The following CRIM1 variants were observed in gnomAD, a reference collection of about 807,000 sequenced individuals.
The protein encoded by CRIM1 is cysteine-rich motor neuron 1 protein.
Under a neutral mutation model 116.4 loss-of-function variants are expected in CRIM1, and 32 were observed. The ratio of observed to expected loss-of-function variants is 0.27; its 90% CI spans 0.21 to 0.37. The LOEUF (loss-of-function observed/expected upper bound fraction) is 0.37, where lower values mean the gene tolerates loss of function less well. Ranked by LOEUF, CRIM1 falls within the 10% of genes least tolerant of loss-of-function variation. The probability of loss-of-function intolerance (pLI) is 1.00; values close to 1 mark genes in which losing one functional copy is unlikely to be tolerated. For missense variants in CRIM1, 1,331 were observed against 1,354.8 expected, an observed-to-expected ratio of 0.98 and a Z score of 0.28; for synonymous variants, 590 against 509.2, an observed-to-expected ratio of 1.16 and a Z score of -2.13.
chr2:36,452,961 G>A (rs1047098475), intron 4 of CRIM1, among the ~76,000 whole-genome samples: 4 of 152,194 alleles, frequency 2.6e-5, no homozygotes, highest in African/African-American at 9.6e-5. Context: ...CTTTTGCTAT[G>A]TCATCATCAT....
intron 1 of CRIM1, among the ~76,000 whole-genome samples, chr2:36,387,719 G>C (rs1671271641): frequency 1.3e-5 from 2 of 152,322 alleles, no homozygotes; most frequent in African/African-American, 4.8e-5. Context: ...CCTCAAAAGA[G>C]AAAGTGATTG....
At chr2:36,489,563 G>T (rs1680076254) in intron 7 of CRIM1, among the ~76,000 whole-genome samples, 1 of 152,160 alleles carries the variant, frequency 6.6e-6, no homozygotes, top group Non-Finnish European at 1.5e-5. Flanking sequence ...TGCATGAGGA[G>T]CCCCTACAAT....
At chr2:36,378,489 A>G (rs924404639) in intron 1 of CRIM1, 11 of 448,716 alleles carry the variant, frequency 2.5e-5, no homozygotes, top group African/African-American at 1.2e-4. Flanking sequence ...TGCCTGGGCC[A>G]TACTCTGGAT....
intron 2 of CRIM1, among the ~76,000 whole-genome samples, chr2:36,402,635 C>T (rs546544168): frequency 6.6e-6 from 1 of 151,536 alleles, no homozygotes; most frequent in Non-Finnish European, 1.5e-5. Context: ...AGAGTATGAA[C>T]AGAGCTGGCT....
intron 1 of CRIM1, among the ~76,000 whole-genome samples, chr2:36,364,057 G>C (rs532153817): frequency 1.6e-4 from 24 of 152,286 alleles, no homozygotes; most frequent in African/African-American, 5.8e-4. Context: ...CAGTTTTTCT[G>C]TTAGTCGTCG....
chr2:36,400,082 A>G (rs974315281), intron 2 of CRIM1, among the ~76,000 whole-genome samples: 3 of 152,194 alleles, frequency 2.0e-5, no homozygotes, highest in African/African-American at 7.2e-5. Context: ...TCTGGTAGAA[A>G]GAGAGAGAGG....
chr2:36,405,338 A>G (rs944535956), intron 2 of CRIM1, among the ~76,000 whole-genome samples: 1 of 152,174 alleles, frequency 6.6e-6, no homozygotes, highest in African/African-American at 2.4e-5. Context: ...GACACTTTTC[A>G]GCTGTAGCAA....
chr2:36,524,278 A>G (rs17018986), intron 13 of CRIM1, among the ~76,000 whole-genome samples: 4,920 of 152,286 alleles, frequency 0.032, 89 homozygotes, highest in African/African-American at 0.067. Flanking sequence ...CATATATCCA[A>G]TTTAGTGCTA....
chr2:36,514,428 C>G (rs1044290549), intron 11 of CRIM1, among the ~76,000 whole-genome samples: 2 of 152,036 alleles, frequency 1.3e-5, no homozygotes, highest in Non-Finnish European at 2.9e-5. Context: ...CCAAAGAGCT[C>G]AACACAGTCT....
intron 12 of CRIM1, among the ~76,000 whole-genome samples, chr2:36,518,575 TG>T: frequency 6.6e-6 from 1 of 152,358 alleles, no homozygotes; most frequent in Non-Finnish European, 1.5e-5. Context: ...CATTACTGGC[TG>T]TTGTCATCAT....
intron 1 of CRIM1, among the ~76,000 whole-genome samples, chr2:36,362,966 G>A (rs1377024396): frequency 6.6e-6 from 1 of 152,040 alleles, no homozygotes. Context: ...GTGGGGCTGA[G>A]GCAGATGGAT....
intron 1 of CRIM1, among the ~76,000 whole-genome samples, chr2:36,381,185 C>A (rs1230681992): frequency 6.6e-6 from 1 of 152,230 alleles, no homozygotes; most frequent in Non-Finnish European, 1.5e-5. Context: ...GCACTCTGAC[C>A]CCTGGCAGTT....
At chr2:36,506,128 A>G (rs571233120) in intron 8 of CRIM1, among the ~76,000 whole-genome samples, 1 of 143,222 alleles carries the variant, frequency 7.0e-6, no homozygotes, top group South Asian at 2.3e-4. Flanking sequence ...ATCCCATTGC[A>G]GGGTGCACAC....
intron 4 of CRIM1, among the ~76,000 whole-genome samples, chr2:36,451,208 A>G (rs539184082): frequency 8.5e-5 from 13 of 152,326 alleles, no homozygotes; most frequent in Admixed American, 2.6e-4. Context: ...CACATGCTTT[A>G]AAGAGTCTTA....
At chr2:36,543,034 G>A (rs1233951216) in intron 14 of CRIM1, among the ~76,000 whole-genome samples, 1 of 152,064 alleles carries the variant, frequency 6.6e-6, no homozygotes. Flanking sequence ...GAGTTTGCAG[G>A]GATGCACTGA....
chr2:36,430,527 A>G (rs934781245), intron 2 of CRIM1, among the ~76,000 whole-genome samples: 3 of 152,190 alleles, frequency 2.0e-5, no homozygotes, highest in Non-Finnish European at 4.4e-5. Context: ...TGCAGCTCAC[A>G]TATTTGTAGT....
At chr2:36,486,731 A>G (rs1431357707) in intron 7 of CRIM1, among the ~76,000 whole-genome samples, 4 of 152,200 alleles carry the variant, frequency 2.6e-5, no homozygotes, top group Non-Finnish European at 4.4e-5. Flanking sequence ...CATCTAATAG[A>G]TCAGACTTGG....
At chr2:36,492,127 C>T (rs1397680464) in intron 7 of CRIM1, among the ~76,000 whole-genome samples, 1 of 152,040 alleles carries the variant, frequency 6.6e-6, no homozygotes, top group African/African-American at 2.4e-5. Context: ...AGCCAAGATT[C>T]CTTGGGAAAA....
chr2:36,426,924 C>T (rs1220179780), intron 2 of CRIM1, among the ~76,000 whole-genome samples: 1 of 152,018 alleles, frequency 6.6e-6, no homozygotes, highest in African/African-American at 2.4e-5. Flanking sequence ...GAAAAGGAGC[C>T]GTGCGCAGTG....
Sources: allele counts gnomAD v4.1 joint callset (sites outside exome capture counted in the v4.1 genomes callset), GRCh38; gene constraint gnomAD v4.1.1; transcripts MANE v1.5; gene names NCBI Gene and HGNC (gene_info 2026-07-23, HGNC 2026-07-21).